Variants in FSD1L observed in about 807,000 individuals in gnomAD.
FSD1L encodes fibronectin type III and SPRY domain containing 1 like.
A neutral mutation model predicts 71.6 loss-of-function variants in FSD1L; 45 were observed. The ratio of observed to expected loss-of-function variants is 0.63; its 90% CI spans 0.49 to 0.81. The LOEUF is 0.81. Among genes scored for constraint, FSD1L ranks in the 30% least tolerant of loss-of-function variants. The pLI is 0.00. For synonymous variants in FSD1L, 197 were observed against 207.2 expected, an observed-to-expected ratio of 0.95 and a Z score of 0.42; for missense variants, 561 against 618.1, an observed-to-expected ratio of 0.91 and a Z score of 0.98.
intron 13 of FSD1L, among the ~76,000 whole-genome samples, chr9:105,545,803 T>G (rs1031697561): frequency 6.6e-6 from 1 of 152,122 alleles, no homozygotes; most frequent in Non-Finnish European, 1.5e-5. Context: ...TTATGATAAG[T>G]AATAGAACAT....
At chr9:105,457,143 G>A (rs1337123563) in intron 1 of FSD1L, among the ~76,000 whole-genome samples, 1 of 152,134 alleles carries the variant, frequency 6.6e-6, no homozygotes, top group East Asian at 1.9e-4. Context: ...TTTGGAATTT[G>A]TTTTATCAGT....
Position 105,539,321 on chromosome 9 carries a change from A to C in FSD1L, c.1437A>C (p.Lys479Asn). 1 of 1,500,782 alleles carries C rather than the reference A, an allele frequency of 6.7e-7. No individual in the cohort carries two copies. 93.0% of individuals were successfully genotyped at this position (1,500,782 alleles called of 1,614,324 possible). A position where few individuals can be genotyped will look rare whatever the true frequency, so the allele number is the denominator to read the frequency against. ...SKQLLYSFKT[K>N]FTQPVLPGFM... is the part of the protein sequence containing the mutation. The stretch of plus-strand genomic sequence containing the variant: ...AGTTGCTATATTCCTTTAAGACAAA[A>C]TTTACTCAGCCAGTACTACCTGGTT... Residue 479 changes from lysine to asparagine, a missense_variant, in exon 13 of 14, where the codon AAA (lysine) becomes AAC (asparagine). Lys to Asn is a moderately conservative substitution (Grantham distance 94, BLOSUM62 0). This residue lies in a region of FSD1L where 98 missense variants were observed against 102.3 expected (regional missense o/e 0.96). Coordinates refer to ENST00000481272, the MANE Select transcript of FSD1L (RefSeq NM_001145313.3).
At chr9:105,517,703 A>C (rs1480429267) in intron 10 of FSD1L, among the ~76,000 whole-genome samples, 1 of 152,206 alleles carries the variant, frequency 6.6e-6, no homozygotes, top group African/African-American at 2.4e-5. Context: ...CCACTGCAAA[A>C]ACATACCAAA....
chr9:105,546,354 T>C lies in FSD1L; in HGVS notation c.1468-4T>C, dbSNP rs889854535. On this transcript the variant is annotated splice_region_variant and splice_polypyrimidine_tract_variant and intron_variant, in intron 13 of 13. Coordinates refer to ENST00000481272, the MANE Select transcript of FSD1L (RefSeq NM_001145313.3). ...ATCTGACAGGTTTTTTTGTCTTTTCTTAGGTATGGTGTGGTGGACTTTCTT... is the reference window on the plus strand; with the variant it reads ...ATCTGACAGGTTTTTTTGTCTTTTCCTAGGTATGGTGTGGTGGACTTTCTT... The C allele has an allele frequency of 6.6e-7, 1 of 1,516,962 alleles. No homozygotes were observed. 94.0% of individuals were successfully genotyped at this position (1,516,962 alleles called of 1,614,324 possible).
At chr9:105,545,043 T>G (rs1304222603) in intron 13 of FSD1L, among the ~76,000 whole-genome samples, 8 of 152,314 alleles carry the variant, frequency 5.3e-5, no homozygotes, top group African/African-American at 1.9e-4. Flanking sequence ...ACGATATTGA[T>G]TCTTCCTATC....
chr9:105,525,091 G>A (rs971654363), intron 10 of FSD1L: 1 of 1,557,892 alleles, frequency 6.4e-7, no homozygotes, highest in African/African-American at 1.4e-5. Context: ...CTGCTATACT[G>A]TATGGCCCAC....
chr9:105,521,398 G>C, intron 10 of FSD1L: 1 of 1,614,144 alleles, frequency 6.2e-7, no homozygotes. Context: ...AGCTCATCTA[G>C]TCTCTGTAGT....
chr9:105,469,059 C>G (rs1831265526), intron 4 of FSD1L, among the ~76,000 whole-genome samples: 1 of 152,184 alleles, frequency 6.6e-6, no homozygotes, highest in African/African-American at 2.4e-5. Context: ...GCATAATGTC[C>G]TCAAGATTTA....
chr9:105,476,742 T>C (rs1317229468), intron 5 of FSD1L, among the ~76,000 whole-genome samples: 3 of 152,328 alleles, frequency 2.0e-5, no homozygotes, highest in East Asian at 3.9e-4. Context: ...GTGTATCTTT[T>C]GGATACCTTT....
At chr9:105,522,663 C>A in intron 10 of FSD1L, 1 of 1,612,350 alleles carries the variant, frequency 6.2e-7, no homozygotes, top group Non-Finnish European at 8.5e-7. Context: ...CATCTTGGAA[C>A]CATTCACTGT....
intron 7 of FSD1L, among the ~76,000 whole-genome samples, chr9:105,498,804 A>G (rs1030335065): frequency 6.6e-6 from 1 of 152,172 alleles, no homozygotes; most frequent in East Asian, 1.9e-4. Flanking sequence ...TTATATTTTT[A>G]GTAGAGATGG....
intron 10 of FSD1L, among the ~76,000 whole-genome samples, chr9:105,514,997 A>G (rs543467511): frequency 6.6e-6 from 1 of 152,272 alleles, no homozygotes; most frequent in Non-Finnish European, 1.5e-5. Flanking sequence ...AACTCAGCCT[A>G]GGGCCTCCCT....
intron 7 of FSD1L, among the ~76,000 whole-genome samples, chr9:105,484,884 T>C (rs1564101769): frequency 6.6e-6 from 1 of 152,150 alleles, no homozygotes; most frequent in African/African-American, 2.4e-5. Context: ...GTTATTCTTC[T>C]AGGGTGTTTA....
chr9:105,542,243 C>T (rs959928037), intron 13 of FSD1L, among the ~76,000 whole-genome samples: 20 of 152,120 alleles, frequency 1.3e-4, no homozygotes, highest in African/African-American at 4.3e-4. Flanking sequence ...GAGAGTTGGT[C>T]ATATCCTTGC....
chr9:105,541,869 TA>T (rs753125367), intron 13 of FSD1L, among the ~76,000 whole-genome samples: 9 of 152,230 alleles, frequency 5.9e-5, no homozygotes, highest in South Asian at 2.1e-4. Context: ...GAACATCGTA[TA>T]AATAGAATTG....
chr9:105,534,542 G>A lies in FSD1L; in HGVS notation c.1075G>A (p.Ala359Thr). The A allele has an allele frequency of 1.9e-6, 3 of 1,551,046 alleles. No individual in the cohort carries two copies. Among genetic ancestry groups the A allele is most frequent in the Non-Finnish European group, 2.6e-6 (3 of 1,146,184 alleles). ...AACATCTGTAGGCTCCAGGCCACCA[G>A]CAGTAAGAGGCAGTAGAGATCGTTT... is the stretch of plus-strand genomic sequence containing the variant. ...KRTSVGSRPP[A>T]VRGSRDRFTG... Residue 359 changes from alanine (A) to threonine (T), a missense_variant, in exon 11 of 14, where the codon GCA becomes ACA. This residue lies in a region of FSD1L where 53 missense variants were observed against 102.2 expected (regional missense o/e 0.52). Transcript: ENST00000481272.
intron 5 of FSD1L, among the ~76,000 whole-genome samples, chr9:105,473,654 A>T (rs955829997): frequency 4.6e-5 from 7 of 152,238 alleles, no homozygotes; most frequent in African/African-American, 1.7e-4. Flanking sequence ...GAGGAAGAAG[A>T]CAGGAAAACT....
rs1054157799 is a variant in FSD1L at position 105,547,158 on chromosome 9, A to AG, written c.*681dup. On this transcript the variant is annotated 3_prime_UTR_variant, in exon 14 of 14. Coordinates refer to ENST00000481272, the MANE Select transcript of FSD1L (RefSeq NM_001145313.3). ...TTTACCTACTGCACTAACAATGGCA[A>AG]GGGGGGTATTCTTTATATGTTGCCT... is the stretch of plus-strand genomic sequence containing the variant. 6.6e-6 allele frequency: 1 copy of AG among 152,470 alleles called. No individual in the cohort carries two copies. Among genetic ancestry groups the AG allele is most frequent in the South Asian group, 2.1e-4 (1 of 4,826 alleles). The allele number at this position is 152,470 out of a possible 1,614,324, so 9.4% of individuals were successfully genotyped here.
intron 10 of FSD1L, chr9:105,520,807 T>G (rs1042838321): frequency 4.3e-6 from 7 of 1,612,158 alleles, no homozygotes; most frequent in Non-Finnish European, 5.9e-6. Flanking sequence ...GAAACTCAAG[T>G]CACTATAGAA....
Sources: gnomAD v4.1 joint callset for allele counts (sites outside exome capture counted in the v4.1 genomes callset) on GRCh38, gnomAD v4.1.1 for gene constraint, gnomAD v4.1.1 regional missense constraint, MANE v1.5 for transcripts, NCBI Gene and HGNC (gene_info 2026-07-23, HGNC 2026-07-21) for gene names.